Variants in PALLD observed in about 807,000 individuals in gnomAD.
PALLD encodes palladin, cytoskeletal associated protein, also known as palladin.
Under a neutral mutation model 123.5 loss-of-function variants are expected in PALLD, and 61 were observed. The ratio of observed to expected loss-of-function variants is 0.49; its 90% CI spans 0.40 to 0.61. PALLD has a LOEUF of 0.61. Among genes scored for constraint, PALLD ranks in the 20% least tolerant of loss-of-function variants. The pLI, the probability that PALLD is intolerant of heterozygous loss-of-function variation, is 0.00. For synonymous variants in PALLD, 465 were observed against 496.4 expected (o/e 0.94, Z 0.84); for missense variants, 1,273 against 1,377.0 (o/e 0.92, Z 1.20).
At chr4:168,653,193 AT>A (rs988458138) in intron 2 of PALLD, among the ~76,000 whole-genome samples, 2 of 152,070 alleles carry the variant, frequency 1.3e-5, no homozygotes, top group Admixed American at 6.6e-5. Flanking sequence ...ACCTCAGGGA[AT>A]TTTTTTTAAT....
intron 2 of PALLD, among the ~76,000 whole-genome samples, chr4:168,560,696 A>G (rs1263412189): frequency 6.6e-6 from 1 of 152,180 alleles, no homozygotes; most frequent in Non-Finnish European, 1.5e-5. Context: ...TCAGACATGT[A>G]TTCAACCAAC....
chr4:168,900,240 C>A (rs1428226378), intron 14 of PALLD, among the ~76,000 whole-genome samples: 1 of 152,220 alleles, frequency 6.6e-6, no homozygotes. Flanking sequence ...ACCTCCAACA[C>A]TGGGAGTCCC....
rs181147026 is a variant in PALLD, at chr4:168,916,750, G to A, written c.2850+723G>A. The stretch of plus-strand genomic sequence containing the variant: ...GGCTGGAGTGCAGTGGTGCAATCTC[G>A]GCTCGCTGCAACCTCTGCCTCCTGG... On this transcript the variant is annotated intron_variant, in intron 17 of 21. Coordinates refer to ENST00000505667, the MANE Select transcript of PALLD (RefSeq NM_001166108.2). 9.2e-3 allele frequency among the ~76,000 whole-genome samples: 1,294 copies of A among 140,320 alleles called. 15 individuals carry two copies. The highest frequency in any genetic ancestry group is 0.032 in the African/African-American group (1,214 of 38,506). 92.1% of individuals were successfully genotyped at this position (140,320 alleles called of 152,430 possible). A position where few individuals can be genotyped will look rare whatever the true frequency, so the allele number is the denominator to read the frequency against.
At chr4:168,684,500 G>T (rs926850339) in intron 5 of PALLD, among the ~76,000 whole-genome samples, 1 of 152,136 alleles carries the variant, frequency 6.6e-6, no homozygotes, top group Non-Finnish European at 1.5e-5. Flanking sequence ...CCTTCAAGCC[G>T]AGTTTCTTCA....
At chr4:168,831,479 T>C (rs920812249) in intron 10 of PALLD, among the ~76,000 whole-genome samples, 4 of 152,178 alleles carry the variant, frequency 2.6e-5, no homozygotes, top group African/African-American at 9.7e-5. Flanking sequence ...TTAATGGAAA[T>C]CTAAAAATTA....
chr4:168,613,109 T>C (rs1256866061), intron 2 of PALLD, among the ~76,000 whole-genome samples: 1 of 152,208 alleles, frequency 6.6e-6, no homozygotes, highest in East Asian at 1.9e-4. Flanking sequence ...GTTTCTAATG[T>C]CACCCTTTGC....
chr4:168,898,822 T>C (rs900383594), intron 14 of PALLD, 108 bp downstream of exon 14: 2 of 781,820 alleles, frequency 2.6e-6, no homozygotes. Context: ...TCTTTCTCAA[T>C]ACCCACGATA....
intron 2 of PALLD, among the ~76,000 whole-genome samples, chr4:168,653,091 T>C (rs1778212339): frequency 1.3e-5 from 2 of 152,228 alleles, no homozygotes; most frequent in Admixed American, 6.5e-5. Context: ...CAATTATTTC[T>C]TCCTCTTCAG....
intron 2 of PALLD, among the ~76,000 whole-genome samples, chr4:168,557,869 C>T (rs915705137): frequency 6.6e-6 from 1 of 152,110 alleles, no homozygotes; most frequent in African/African-American, 2.4e-5. Flanking sequence ...TCTCTCCCTG[C>T]TCACCCCTGT....
intron 4 of PALLD, 142 bp downstream of exon 4, chr4:168,681,540 ATTTTTTTT>A (rs34328020): frequency 2.1e-4 from 70 of 338,932 alleles, no homozygotes; most frequent in Admixed American, 1.3e-3. Flanking sequence ...TTGGAACACA[ATTTTTTTT>A]TTTTTTTTTT....
chr4:168,636,024 C>A (rs1159325955), intron 2 of PALLD, among the ~76,000 whole-genome samples: 1 of 152,184 alleles, frequency 6.6e-6, no homozygotes, highest in African/African-American at 2.4e-5. Context: ...TACATTTGAT[C>A]ATTTCCTTCC....
intron 10 of PALLD, chr4:168,832,955 A>G (rs1744514560): frequency 6.6e-6 from 1 of 152,170 alleles, no homozygotes; most frequent in Non-Finnish European, 1.5e-5. Context: ...CGCACCGGCC[A>G]CGCGTGGGTT....
intron 10 of PALLD, among the ~76,000 whole-genome samples, chr4:168,836,496 A>G (rs1279993514): frequency 2.0e-5 from 3 of 152,212 alleles, no homozygotes; most frequent in Admixed American, 6.5e-5. Context: ...AAAAGTACAG[A>G]CACTGAAATT....
chr4:168,559,603 A>G (rs933603659), intron 2 of PALLD, among the ~76,000 whole-genome samples: 1 of 152,204 alleles, frequency 6.6e-6, no homozygotes, highest in Non-Finnish European at 1.5e-5. Context: ...CTTATCAAGA[A>G]AGCAATACAT....
chr4:168,501,960 T>TGGA (rs1761451254), intron 1 of PALLD, among the ~76,000 whole-genome samples: 1 of 71,220 alleles, frequency 1.4e-5, no homozygotes, highest in African/African-American at 6.9e-5. Flanking sequence ...ATTAAGAAAA[T>TGGA]GCAGATCAAA....
chr4:168,557,551 C>T (rs1330829949), intron 2 of PALLD, among the ~76,000 whole-genome samples: 2 of 152,194 alleles, frequency 1.3e-5, no homozygotes, highest in African/African-American at 4.8e-5. Context: ...ACTAGGACAA[C>T]TCAAGAAGTA....
chr4:168,822,799 A>AT (rs1309191991), intron 10 of PALLD, among the ~76,000 whole-genome samples: 5 of 152,340 alleles, frequency 3.3e-5, no homozygotes, highest in Non-Finnish European at 7.3e-5. Context: ...CCGCGCTTTG[A>AT]TTATGAAGAG....
At chr4:168,835,559 T>C (rs1745036159) in intron 10 of PALLD, among the ~76,000 whole-genome samples, 1 of 152,112 alleles carries the variant, frequency 6.6e-6, no homozygotes, top group African/African-American at 2.4e-5. Flanking sequence ...TCCCAGGTGT[T>C]TAGCCCTAGA....
At chr4:168,906,944 T>G (rs1001771406) in intron 15 of PALLD, among the ~76,000 whole-genome samples, 5 of 152,162 alleles carry the variant, frequency 3.3e-5, no homozygotes, top group African/African-American at 1.2e-4. Context: ...GCAACACCGA[T>G]GATACTGAAA....
Sources: gnomAD v4.1 joint callset for allele counts (sites outside exome capture counted in the v4.1 genomes callset) on GRCh38, gnomAD v4.1.1 for gene constraint, MANE v1.5 for transcripts, NCBI Gene and HGNC (gene_info 2026-07-23, HGNC 2026-07-21) for gene names.